Variants in TBX5 observed in about 807,000 individuals in gnomAD.
The protein encoded by TBX5 is T-box transcription factor TBX5.
A neutral mutation model predicts 51.1 loss-of-function variants in TBX5; 8 were observed. That is an observed-to-expected ratio of 0.16 (90% CI 0.09 to 0.28). The LOEUF is 0.28. TBX5 is among the 10% of genes least tolerant of loss of function. TBX5 has a pLI of 1.00. For synonymous variants in TBX5, 302 were observed against 266.4 expected (o/e 1.13, Z -1.30); for missense variants, 589 against 671.7 (o/e 0.88, Z 1.36).
intron 7 of TBX5, among the ~76,000 whole-genome samples, chr12:114,377,247 G>A (rs1253284708): frequency 6.6e-6 from 1 of 152,180 alleles, no homozygotes; most frequent in Admixed American, 6.5e-5. Flanking sequence ...ACACAAGAGT[G>A]CTAAGCCTTC....
chr12:114,405,779 G>A lies in TBX5; in HGVS notation c.-190C>T. 1.0e-6 allele frequency: 1 copy of A among 985,538 alleles called. No individual in the cohort carries two copies. Among genetic ancestry groups the A allele is most frequent in the Non-Finnish European group, 1.2e-6 (1 of 830,044 alleles). The allele number at this position is 985,538 out of a possible 1,614,324, so 61.0% of individuals were successfully genotyped here. The stretch of plus-strand genomic sequence containing the variant: ...AGCGGCTACTGCTGCCTACTAGGGC[G>A]CACCTACCGCTGGAGCCTCCGCGGC... On this transcript the variant is annotated 5_prime_UTR_variant, in exon 1 of 9. Transcript: ENST00000405440.
At chr12:114,398,456 A>C in intron 5 of TBX5, 117 bp downstream of exon 5, 1 of 1,424,466 alleles carries the variant, frequency 7.0e-7, no homozygotes, top group Non-Finnish European at 9.7e-7. Context: ...GGGAAAATGG[A>C]GGAAAGAAAA....
intron 8 of TBX5, among the ~76,000 whole-genome samples, chr12:114,356,654 G>T (rs1368661285): frequency 1.3e-5 from 2 of 152,154 alleles, no homozygotes; most frequent in African/African-American, 4.8e-5. Context: ...CCTTATCCAT[G>T]ACTATATTCC....
intron 5 of TBX5, 114 bp from the exon 6 acceptor site, chr12:114,395,007 T>C (rs529258746): frequency 2.1e-5 from 22 of 1,031,068 alleles, no homozygotes; most frequent in African/African-American, 4.9e-5. Context: ...TCTCGAAAAA[T>C]AGATATTTTT....
intron 2 of TBX5, among the ~76,000 whole-genome samples, chr12:114,402,403 T>C (rs1274246443): frequency 6.6e-6 from 1 of 152,230 alleles, no homozygotes; most frequent in Non-Finnish European, 1.5e-5. Context: ...AATATTCTCA[T>C]GTAGACACTC....
intron 7 of TBX5, among the ~76,000 whole-genome samples, chr12:114,383,907 T>C (rs1214184161): frequency 2.0e-5 from 3 of 152,176 alleles, no homozygotes; most frequent in Admixed American, 6.5e-5. Context: ...CCTGTAGGAC[T>C]GAGAGGTGAC....
At position 114,365,979 on chromosome 12, in the gene TBX5, A is replaced by T. The variant is rs1047291875; in HGVS notation, c.982+186T>A. The T allele has an allele frequency of 1.5e-5, 11 of 715,898 alleles. No homozygotes were observed. The African/African-American group carries it at 1.8e-4, about 12-fold the overall frequency. The allele number at this position is 715,898 out of a possible 1,614,324, so 44.3% of individuals were successfully genotyped here. On this transcript the variant is annotated intron_variant, in intron 8 of 8. Coordinates refer to ENST00000405440, the MANE Select transcript of TBX5 (RefSeq NM_181486.4). ...GGAGGGGCTGGAACTGGGGGTAGGA[A>T]CATGTCAAGGGAACTTTTTGTTTTA...
intron 7 of TBX5, among the ~76,000 whole-genome samples, chr12:114,367,417 T>G (rs1165348931): frequency 6.6e-6 from 1 of 152,146 alleles, no homozygotes; most frequent in Non-Finnish European, 1.5e-5. Context: ...AAAAATTCCA[T>G]GACATCATAG....
intron 2 of TBX5, 143 bp downstream of exon 2, chr12:114,403,609 A>T: frequency 3.9e-6 from 5 of 1,287,054 alleles, no homozygotes; most frequent in African/African-American, 1.5e-5. Flanking sequence ...AATAAAAAGG[A>T]AAAGGGATGA....
chr12:114,404,300 T>C (rs553604029), intron 1 of TBX5, among the ~76,000 whole-genome samples: 66 of 152,286 alleles, frequency 4.3e-4, no homozygotes, highest in Non-Finnish European at 6.9e-4. Flanking sequence ...TGGGTATTTT[T>C]GGAAGCCACT....
intron 8 of TBX5, among the ~76,000 whole-genome samples, chr12:114,364,444 C>T (rs557812662): frequency 7.9e-5 from 12 of 152,310 alleles, no homozygotes; most frequent in Non-Finnish European, 1.3e-4. Context: ...AAGTCGTACC[C>T]TGAGCCCATA....
At chr12:114,356,445 A>G (rs1868922588) in intron 8 of TBX5, among the ~76,000 whole-genome samples, 1 of 152,148 alleles carries the variant, frequency 6.6e-6, no homozygotes, top group Non-Finnish European at 1.5e-5. Context: ...ATAAATAGCA[A>G]CTAACCAGGT....
chr12:114,380,929 T>A (rs1056419566), intron 7 of TBX5, among the ~76,000 whole-genome samples: 5 of 151,862 alleles, frequency 3.3e-5, no homozygotes, highest in Admixed American at 3.3e-4. Flanking sequence ...AGATTTTTTT[T>A]AAGACACAGA....
intron 7 of TBX5, among the ~76,000 whole-genome samples, chr12:114,384,432 G>A (rs1010019024): frequency 6.6e-6 from 1 of 151,970 alleles, no homozygotes; most frequent in Non-Finnish European, 1.5e-5. Context: ...CATGCCACCT[G>A]GGCTAGCATT....
rs117742029 is a variant in TBX5 at position 114,405,583 on chromosome 12, C to T, written c.-39+45G>A. On this transcript the variant is annotated intron_variant, in intron 1 of 8. Coordinates refer to ENST00000405440, the MANE Select transcript of TBX5 (RefSeq NM_181486.4). ...CCGCCGCCCCAGCCGACTCGGCCGACGAGCTCCCTCCTGAGCCTCCCGGGC... is the reference window on the plus strand; with the variant it reads ...CCGCCGCCCCAGCCGACTCGGCCGATGAGCTCCCTCCTGAGCCTCCCGGGC... 281 of 531,830 alleles carry T rather than the reference C, an allele frequency of 5.3e-4. 10 individuals carry two copies. The East Asian group carries it at 0.033, about 63-fold the overall frequency. The allele number at this position is 531,830 out of a possible 1,614,324, so 32.9% of individuals were successfully genotyped here.
chr12:114,391,670 C>T (rs567079602), intron 6 of TBX5, among the ~76,000 whole-genome samples: 1 of 151,908 alleles, frequency 6.6e-6, no homozygotes, highest in African/African-American at 2.4e-5. Context: ...TCCACCTTAA[C>T]CCTATGCGAT....
chr12:114,408,313 C>T, upstream of TBX5: 5 of 718,728 alleles, frequency 7.0e-6, no homozygotes, highest in Non-Finnish European at 6.8e-6. Flanking sequence ...CAAATAGAGC[C>T]AAGATCGACT....
intron 6 of TBX5, among the ~76,000 whole-genome samples, chr12:114,386,909 C>T (rs1332768090): frequency 6.6e-6 from 1 of 151,034 alleles, no homozygotes; most frequent in African/African-American, 2.4e-5. Context: ...GCCTGGCCAA[C>T]ATGGTAAAAC....
intron 1 of TBX5, among the ~76,000 whole-genome samples, chr12:114,405,305 C>A (rs1033791836): frequency 6.6e-6 from 1 of 152,198 alleles, no homozygotes; most frequent in Non-Finnish European, 1.5e-5. Context: ...CGCCCCTACA[C>A]GCGCTCCCAT....
Sources: gnomAD v4.1 joint callset for allele counts (sites outside exome capture counted in the v4.1 genomes callset) on GRCh38, gnomAD v4.1.1 for gene constraint, MANE v1.5 for transcripts, NCBI Gene and HGNC (gene_info 2026-07-23, HGNC 2026-07-21) for gene names.